Variants in TUT4 observed in about 807,000 individuals in gnomAD.
The protein encoded by TUT4 is terminal uridylyltransferase 4.
TUT4 carries 36 observed loss-of-function variants against 192.2 expected under a neutral mutation model. The ratio of observed to expected loss-of-function variants is 0.19; its 90% CI spans 0.14 to 0.25. The LOEUF (loss-of-function observed/expected upper bound fraction) is 0.25. Ranked by LOEUF, TUT4 falls within the 10% of genes least tolerant of loss-of-function variation. The pLI is 1.00. For synonymous variants in TUT4, 618 were observed against 666.0 expected, an observed-to-expected ratio of 0.93 and a Z score of 1.11; for missense variants, 1,493 against 1,957.2, an observed-to-expected ratio of 0.76 and a Z score of 4.47.
At chr1:52,490,823 A>C (rs946187198) in intron 7 of TUT4, 22 bp from the exon 8 acceptor site, 3 of 1,563,622 alleles carry the variant, frequency 1.9e-6, no homozygotes, top group Admixed American at 3.7e-5. Flanking sequence ...AAAAAAAAGT[A>C]AGCTAATGTC....
At chr1:52,513,813 C>T (rs72903691) in intron 3 of TUT4, among the ~76,000 whole-genome samples, 2 of 152,230 alleles carry the variant, frequency 1.3e-5, no homozygotes, top group African/African-American at 4.8e-5. Context: ...AAAGCAATCA[C>T]GTTTTTTAAA....
chr1:52,451,965 T>A (rs541392016), intron 20 of TUT4, among the ~76,000 whole-genome samples: 1 of 151,924 alleles, frequency 6.6e-6, no homozygotes, highest in African/African-American at 2.4e-5. Context: ...AAGAAAGCAC[T>A]AGGCCTAGAT....
intron 13 of TUT4, among the ~76,000 whole-genome samples, chr1:52,472,745 C>G (rs1403170827): frequency 1.4e-4 from 22 of 152,014 alleles, no homozygotes; most frequent in Admixed American, 1.4e-3. Context: ...AAATGTATTT[C>G]AATGGACACC....
At chr1:52,515,740 A>G in intron 3 of TUT4, 151 bp downstream of exon 3, 1 of 839,456 alleles carries the variant, frequency 1.2e-6, no homozygotes, top group South Asian at 1.8e-5. Context: ...GAAAAGAGGG[A>G]AAGAAGAAGA....
At chr1:52,427,225 G>A (rs977407723) in intron 28 of TUT4, among the ~76,000 whole-genome samples, 6 of 152,132 alleles carry the variant, frequency 3.9e-5, no homozygotes, top group Admixed American at 2.0e-4. Flanking sequence ...CTAAGAAAAT[G>A]AGGATTTCCT....
intron 24 of TUT4, among the ~76,000 whole-genome samples, chr1:52,444,197 G>A (rs1375070989): frequency 6.6e-6 from 1 of 152,126 alleles, no homozygotes; most frequent in Non-Finnish European, 1.5e-5. Flanking sequence ...TCACGCCACT[G>A]CACTCCAGCC....
At chr1:52,446,217 T>C (rs1657478906) in intron 22 of TUT4, 48 bp downstream of exon 22, 2 of 1,556,530 alleles carry the variant, frequency 1.3e-6, no homozygotes, top group Non-Finnish European at 1.7e-6. Flanking sequence ...CTCAATTTCG[T>C]TGACCAAATT....
chr1:52,503,501 C>A (rs1674718658), intron 4 of TUT4, among the ~76,000 whole-genome samples: 1 of 152,114 alleles, frequency 6.6e-6, no homozygotes, highest in Non-Finnish European at 1.5e-5. Context: ...TCACTCAAAA[C>A]TATGTCTTTT....
chr1:52,487,204 G>T (rs1409446296), intron 9 of TUT4, among the ~76,000 whole-genome samples: 1 of 152,090 alleles, frequency 6.6e-6, no homozygotes, highest in Non-Finnish European at 1.5e-5. Flanking sequence ...CCAGCACTTT[G>T]GGAGGCTAGG....
intron 4 of TUT4, among the ~76,000 whole-genome samples, chr1:52,500,376 G>C (rs1017871839): frequency 6.6e-6 from 1 of 152,172 alleles, no homozygotes; most frequent in Non-Finnish European, 1.5e-5. Context: ...GCTCACAGTT[G>C]TAATACTCTG....
intron 12 of TUT4, among the ~76,000 whole-genome samples, chr1:52,477,309 T>C (rs1376226419): frequency 1.3e-5 from 2 of 152,176 alleles, no homozygotes; most frequent in Non-Finnish European, 2.9e-5. Flanking sequence ...CGGTGGCTCA[T>C]GCCTATAATC....
chr1:52,424,045 T>TTTCA, intron 29 of TUT4, 43 bp from the exon 30 acceptor site: 1 of 1,568,872 alleles, frequency 6.4e-7, no homozygotes, highest in Non-Finnish European at 8.7e-7. Context: ...GGCTTGTGCC[T>TTTCA]GTTTATCTGA....
intron 1 of TUT4, among the ~76,000 whole-genome samples, chr1:52,539,086 A>G (rs967524224): frequency 6.6e-6 from 1 of 152,230 alleles, no homozygotes; most frequent in Non-Finnish European, 1.5e-5. Context: ...ATGCCGATGA[A>G]GGGAAAGGAT....
rs773619757 is a variant in TUT4, at chr1:52,438,203, T to C, written c.3938+17A>G. The C allele has an allele frequency of 1.8e-5, 28 of 1,581,478 alleles. No homozygotes were observed. The highest frequency in any genetic ancestry group is 2.1e-5 in the Non-Finnish European group (24 of 1,155,254). On this transcript the variant is annotated intron_variant, in intron 25 of 29. Coordinates refer to ENST00000257177, the MANE Select transcript of TUT4 (RefSeq NM_001009881.3). ...ATTTATTTTCCTCAAAATGTTGATATATATTCATTTGCCAACCTTTTCCTT... is the reference window on the plus strand; with the variant it reads ...ATTTATTTTCCTCAAAATGTTGATACATATTCATTTGCCAACCTTTTCCTT...
At chr1:52,520,119 T>C (rs1679845861) in intron 2 of TUT4, among the ~76,000 whole-genome samples, 1 of 152,178 alleles carries the variant, frequency 6.6e-6, no homozygotes, top group South Asian at 2.1e-4. Flanking sequence ...GTTCCTCATA[T>C]GGATATCTAT....
chr1:52,488,006 C>A (rs970552882), intron 9 of TUT4, among the ~76,000 whole-genome samples: 1 of 152,016 alleles, frequency 6.6e-6, no homozygotes, highest in Non-Finnish European at 1.5e-5. Context: ...TTCTAAATAC[C>A]TAAGGTAAGA....
At chr1:52,489,699 G>A (rs1165463225) in intron 8 of TUT4, among the ~76,000 whole-genome samples, 2 of 152,048 alleles carry the variant, frequency 1.3e-5, no homozygotes, top group East Asian at 3.9e-4. Context: ...AACACAATGT[G>A]GCAGAAAAAA....
rs1364382249 is a variant in TUT4 at position 52,424,015 on chromosome 1, A to T, written c.4871-13T>A. ...GTGGCACATCTGTCTGTTGGATACA[A>T]CACAGACAGGAAACTGAAAGGCTTG... On this transcript the variant is annotated splice_polypyrimidine_tract_variant and intron_variant, in intron 29 of 29. Transcript: ENST00000257177. The T allele has an allele frequency of 6.2e-7, 1 of 1,604,616 alleles. No homozygotes were observed. The highest frequency in any genetic ancestry group is 1.3e-5 in the African/African-American group (1 of 74,748).
At chr1:52,490,065 C>G (rs1670746977) in intron 8 of TUT4, among the ~76,000 whole-genome samples, 1 of 150,816 alleles carries the variant, frequency 6.6e-6, no homozygotes, top group Non-Finnish European at 1.5e-5. Context: ...TGAGTTTATT[C>G]AATTTAAATC....
Sources: gnomAD v4.1 joint callset for allele counts (sites outside exome capture counted in the v4.1 genomes callset) on GRCh38, gnomAD v4.1.1 for gene constraint, MANE v1.5 for transcripts, NCBI Gene and HGNC (gene_info 2026-07-23, HGNC 2026-07-21) for gene names.